The following CHN2 variants were observed in gnomAD, a reference collection of about 807,000 sequenced individuals.
CHN2 encodes beta-chimaerin.
A neutral mutation model predicts 56.3 loss-of-function variants in CHN2; 35 were observed. The observed-to-expected ratio is 0.62, with a 90% CI of 0.47 to 0.82. CHN2 has a LOEUF of 0.82. CHN2 is among the 40% of genes least tolerant of loss of function. The pLI is 0.00. For synonymous variants in CHN2, 210 were observed against 212.8 expected (o/e 0.99, Z 0.12); for missense variants, 491 against 580.5 (o/e 0.85, Z 1.58).
chr7:29,255,665 A>T (rs534787078), intron 1 of CHN2, among the ~76,000 whole-genome samples: 62 of 152,276 alleles, frequency 4.1e-4, no homozygotes, highest in Middle Eastern at 3.4e-3. Context: ...AAGCTGGGTG[A>T]CTCAAGTTCA....
intron 2 of CHN2, among the ~76,000 whole-genome samples, chr7:29,163,212 T>C (rs1168138934): frequency 6.6e-6 from 1 of 152,154 alleles, no homozygotes. Context: ...TGTTTCTCCA[T>C]TGTAAATGTT....
Position 29,479,937 on chromosome 7 carries a change from G to A in CHN2, c.577-342G>A, listed in dbSNP as rs977942997. 9 of 1,441,370 alleles carry A rather than the reference G, an allele frequency of 6.2e-6. No individual in the cohort carries two copies. In the African/African-American group the frequency reaches 8.6e-5, roughly 14 times the overall value. The allele number at this position is 1,441,370 out of a possible 1,614,324, so 89.3% of individuals were successfully genotyped here. A position where few individuals can be genotyped will look rare whatever the true frequency, so the allele number is the denominator to read the frequency against. On this transcript the variant is annotated intron_variant, in intron 6 of 12. Transcript: ENST00000222792. The stretch of plus-strand genomic sequence containing the variant: ...AGGCCCATCCTTATTCAGAAGCCGG[G>A]CCCCCTCCATCACTCAAACTGGGCC...
At chr7:29,216,682 G>C (rs1400843885) in intron 1 of CHN2, among the ~76,000 whole-genome samples, 1 of 152,096 alleles carries the variant, frequency 6.6e-6, no homozygotes, top group Non-Finnish European at 1.5e-5. Flanking sequence ...GGAAACCGCT[G>C]ATCTAGCCTG....
In CHN2 at chr7:29,513,022, A is replaced by G. The variant is rs2128606837; in HGVS notation, c.*287A>G. The G allele has an allele frequency of 3.7e-6, 1 of 267,902 alleles. No individual in the cohort carries two copies. The highest frequency in any genetic ancestry group is 7.0e-6 in the Non-Finnish European group (1 of 142,860). The allele number at this position is 267,902 out of a possible 1,614,324, so 16.6% of individuals were successfully genotyped here. ...TAATACATCTTTAATTTATTAAAAA[A>G]CAATGTAGACCTTTAAACTTCAGTC... On this transcript the variant is annotated 3_prime_UTR_variant, in exon 13 of 13. Transcript: ENST00000222792.
chr7:29,239,902 GTTC>G (rs1316728351), intron 1 of CHN2, among the ~76,000 whole-genome samples: 2 of 152,178 alleles, frequency 1.3e-5, no homozygotes, highest in African/African-American at 2.4e-5. Context: ...ATTGTTGCCC[GTTC>G]TTCTAGTTAA....
chr7:29,233,845 T>G, intron 1 of CHN2, among the ~76,000 whole-genome samples: 1 of 113,228 alleles, frequency 8.8e-6, no homozygotes. Context: ...TTTTTTTTTT[T>G]TTTTTTGAGA....
intron 2 of CHN2, among the ~76,000 whole-genome samples, chr7:29,174,342 A>G (rs182791282): frequency 1.3e-5 from 2 of 152,208 alleles, no homozygotes; most frequent in East Asian, 1.9e-4. Context: ...GGGAAAGGAC[A>G]GAAGCAAAAG....
intron 1 of CHN2, among the ~76,000 whole-genome samples, chr7:29,243,973 C>T (rs914918487): frequency 6.6e-6 from 1 of 152,220 alleles, no homozygotes; most frequent in African/African-American, 2.4e-5. Flanking sequence ...TAACAGCACA[C>T]TGGATTGTTC....
At chr7:29,200,019 T>C (rs1027665257) in intron 1 of CHN2, 1 of 152,318 alleles carries the variant, frequency 6.6e-6, no homozygotes, top group Non-Finnish European at 1.5e-5. Context: ...CTCCCATTTT[T>C]GCACAATGGT....
intron 1 of CHN2, among the ~76,000 whole-genome samples, chr7:29,227,315 A>G (rs1028763936): frequency 2.0e-5 from 3 of 152,148 alleles, no homozygotes; most frequent in Non-Finnish European, 1.5e-5. Context: ...CAACTCAGTG[A>G]TCTCCTTTCT....
chr7:29,248,708 T>C (rs1197322782), intron 1 of CHN2, among the ~76,000 whole-genome samples: 2 of 152,214 alleles, frequency 1.3e-5, no homozygotes, highest in Non-Finnish European at 2.9e-5. Flanking sequence ...TCCCAGTGCT[T>C]CAAACCTGAA....
chr7:29,491,444 T>G (rs1788660426), intron 7 of CHN2, among the ~76,000 whole-genome samples: 1 of 152,194 alleles, frequency 6.6e-6, no homozygotes, highest in Non-Finnish European at 1.5e-5. Context: ...AATCTCAGTC[T>G]GTTGTCCAGG....
chr7:29,371,741 C>T (rs1388211870), intron 3 of CHN2, among the ~76,000 whole-genome samples: 1 of 152,174 alleles, frequency 6.6e-6, no homozygotes, highest in African/African-American at 2.4e-5. Context: ...AGGCCCCGCT[C>T]CATTGGATGA....
chr7:29,297,998 C>G (rs1047270255), intron 1 of CHN2, among the ~76,000 whole-genome samples: 2 of 152,054 alleles, frequency 1.3e-5, no homozygotes, highest in African/African-American at 4.8e-5. Flanking sequence ...ACCTGGGGTT[C>G]GTGAGGGAGA....
chr7:29,409,426 G>T (rs1802982953), intron 6 of CHN2, among the ~76,000 whole-genome samples: 1 of 152,088 alleles, frequency 6.6e-6, no homozygotes, highest in Admixed American at 6.5e-5. Context: ...AAATAACACT[G>T]TTTTCCAAAT....
chr7:29,191,045 C>A (rs1274492845), upstream of CHN2, among the ~76,000 whole-genome samples: 1 of 152,016 alleles, frequency 6.6e-6, no homozygotes, highest in Admixed American at 6.6e-5. Context: ...AGCAATTCTC[C>A]CCCCTCAGCC....
chr7:29,202,706 G>A lies in CHN2; in HGVS notation c.49+7716G>A, dbSNP rs111993703. On this transcript the variant is annotated intron_variant, in intron 1 of 12. Coordinates refer to ENST00000222792, the MANE Select transcript of CHN2 (RefSeq NM_004067.4). ...GGAGGCCCAGTTCCTGGATTTTATC[G>A]GGCCCCATCATTGCCCTCTGCACCC... Among the ~76,000 whole-genome samples the A allele has an allele frequency of 3.0e-3, 453 of 152,254 alleles. 2 individuals carry two copies. Among genetic ancestry groups the A allele is most frequent in the African/African-American group, 0.01 (434 of 41,536 alleles).
intron 1 of CHN2, among the ~76,000 whole-genome samples, chr7:29,200,483 C>T (rs879570515): frequency 7.0e-6 from 1 of 142,918 alleles, no homozygotes; most frequent in African/African-American, 2.6e-5. Flanking sequence ...CTTCCCCCCC[C>T]CTTTTGTCTC....
intron 2 of CHN2, among the ~76,000 whole-genome samples, chr7:29,187,177 A>C (rs146294051): frequency 4.6e-5 from 7 of 152,044 alleles, no homozygotes; most frequent in African/African-American, 1.7e-4. Flanking sequence ...GTTGGTTTCC[A>C]CTCCTTTATC....
Sources: gnomAD v4.1 joint callset for allele counts (sites outside exome capture counted in the v4.1 genomes callset) on GRCh38, gnomAD v4.1.1 for gene constraint, MANE v1.5 for transcripts, NCBI Gene and HGNC (gene_info 2026-07-23, HGNC 2026-07-21) for gene names.